MYO3B: variants seen among roughly 807,000 people sequenced by gnomAD.
MYO3B encodes the protein myosin IIIB.
In MYO3B, 156 loss-of-function variants were observed where a neutral mutation model predicts 174.6. That is an observed-to-expected ratio of 0.89 (90% CI 0.78 to 1.02). The LOEUF (loss-of-function observed/expected upper bound fraction) is 1.02, where lower values mean the gene tolerates loss of function less well. MYO3B is among the 50% of genes least tolerant of loss of function. MYO3B has a pLI of 0.00. For synonymous variants in MYO3B, 563 were observed against 569.1 expected (o/e 0.99, Z 0.15); for missense variants, 1,632 against 1,639.4 (o/e 1.00, Z 0.08).
At chr2:170,291,493 G>T (rs1487775721) in intron 7 of MYO3B, among the ~76,000 whole-genome samples, 2 of 152,144 alleles carry the variant, frequency 1.3e-5, no homozygotes, top group African/African-American at 4.8e-5. Context: ...TTCTGGGTTT[G>T]TCCATGCAAT....
chr2:170,216,017 A>G (rs550614898), intron 5 of MYO3B, among the ~76,000 whole-genome samples: 1 of 152,366 alleles, frequency 6.6e-6, no homozygotes, highest in East Asian at 1.9e-4. Context: ...CCAGAAAGGT[A>G]TAGTTGTTTT....
Position 170,407,747 on chromosome 2 carries a change from A to G in MYO3B, c.2553A>G (p.Lys851=). 6.2e-7 allele frequency: 1 copy of G among 1,614,114 alleles called. No individual in the cohort carries two copies. Among genetic ancestry groups the G allele is most frequent in the Non-Finnish European group, 8.5e-7 (1 of 1,179,964 alleles). Residue 851 remains lysine, a synonymous_variant, in exon 22 of 35, where the codon AAA becomes AAG. Transcript: ENST00000408978. The part of the protein sequence containing the change: ...VLYDASGVLE[K]NRDTLPADVV... ...ATGATGCTTCTGGGGTTCTTGAGAA[A>G]AATAGAGACACTCTCCCTGCCGATG...
intron 22 of MYO3B, among the ~76,000 whole-genome samples, chr2:170,420,932 C>A (rs1378082136): frequency 6.6e-6 from 1 of 152,034 alleles, no homozygotes; most frequent in Non-Finnish European, 1.5e-5. Context: ...AAAACTCAGT[C>A]CTAGCATCAC....
intron 32 of MYO3B, among the ~76,000 whole-genome samples, chr2:170,565,034 T>G (rs1049900871): frequency 6.6e-6 from 1 of 152,106 alleles, no homozygotes; most frequent in Non-Finnish European, 1.5e-5. Context: ...AGAAAGAAAT[T>G]GACAAAGAAT....
intron 22 of MYO3B, among the ~76,000 whole-genome samples, chr2:170,431,118 T>G (rs1196022562): frequency 6.6e-6 from 1 of 152,192 alleles, no homozygotes; most frequent in Non-Finnish European, 1.5e-5. Flanking sequence ...GGGTCAGGTC[T>G]TCTTGGGTAG....
chr2:170,650,884 A>T (rs1447993212), intron 32 of MYO3B, among the ~76,000 whole-genome samples: 1 of 151,330 alleles, frequency 6.6e-6, no homozygotes, highest in East Asian at 1.9e-4. Context: ...GGGTTTCACC[A>T]TGTTGGCTAG....
At chr2:170,422,772 T>C (rs1213210932) in intron 22 of MYO3B, among the ~76,000 whole-genome samples, 3 of 151,878 alleles carry the variant, frequency 2.0e-5, no homozygotes. Context: ...TTTTTTTAAT[T>C]AGCCACATTT....
chr2:170,457,187 A>T (rs1403041043), intron 23 of MYO3B, among the ~76,000 whole-genome samples: 1 of 152,226 alleles, frequency 6.6e-6, no homozygotes, highest in Non-Finnish European at 1.5e-5. Flanking sequence ...AAGGCCTGAG[A>T]CATTAGTGTA....
intron 7 of MYO3B, among the ~76,000 whole-genome samples, chr2:170,292,990 T>C (rs565884679): frequency 2.0e-3 from 302 of 152,176 alleles, no homozygotes; most frequent in Non-Finnish European, 3.8e-3. Flanking sequence ...AGTGTAGAAA[T>C]TGTGAGTTGG....
chr2:170,254,641 G>C (rs1210724158), intron 7 of MYO3B, among the ~76,000 whole-genome samples: 1 of 152,208 alleles, frequency 6.6e-6, no homozygotes, highest in East Asian at 1.9e-4. Context: ...CACAGGCCTT[G>C]TCCCAACTTC....
intron 7 of MYO3B, among the ~76,000 whole-genome samples, chr2:170,321,985 G>A (rs1325901909): frequency 2.0e-5 from 3 of 151,930 alleles, no homozygotes; most frequent in Non-Finnish European, 4.4e-5. Context: ...GTGGTGGCAC[G>A]TGCCTGTAAT....
At chr2:170,558,881 A>G (rs1691525447) in intron 32 of MYO3B, among the ~76,000 whole-genome samples, 1 of 152,180 alleles carries the variant, frequency 6.6e-6, no homozygotes, top group Non-Finnish European at 1.5e-5. Flanking sequence ...CTCTTTCCTC[A>G]TCTCCAAAAT....
chr2:170,631,840 G>A (rs1482171917), intron 32 of MYO3B, among the ~76,000 whole-genome samples: 2 of 152,094 alleles, frequency 1.3e-5, no homozygotes, highest in East Asian at 1.9e-4. Flanking sequence ...AAAGGCAGGG[G>A]TTGCAATGCT....
chr2:170,354,265 G>A (rs2094102059), intron 8 of MYO3B, among the ~76,000 whole-genome samples: 1 of 152,148 alleles, frequency 6.6e-6, no homozygotes, highest in Non-Finnish European at 1.5e-5. Context: ...CATCAGTTCT[G>A]GTTCCTTTTT....
At chr2:170,598,776 T>C (rs1694306272) in intron 32 of MYO3B, among the ~76,000 whole-genome samples, 1 of 152,196 alleles carries the variant, frequency 6.6e-6, no homozygotes, top group Non-Finnish European at 1.5e-5. Flanking sequence ...TGGGCTTCAG[T>C]TTCAGAATCT....
intron 7 of MYO3B, among the ~76,000 whole-genome samples, chr2:170,245,237 T>C (rs1219695992): frequency 6.6e-6 from 1 of 152,120 alleles, no homozygotes; most frequent in African/African-American, 2.4e-5. Context: ...TTAAAGGCAA[T>C]GGGGGTCTCT....
intron 27 of MYO3B, 38 bp downstream of exon 27, chr2:170,499,846 T>C: frequency 6.2e-7 from 1 of 1,603,126 alleles, no homozygotes; most frequent in African/African-American, 1.3e-5. Context: ...GCCCTGGGTA[T>C]TGGCATGTCA....
At chr2:170,184,243 T>C (rs2092437116) in intron 1 of MYO3B, among the ~76,000 whole-genome samples, 1 of 152,164 alleles carries the variant, frequency 6.6e-6, no homozygotes, top group African/African-American at 2.4e-5. Context: ...TTACAATAAA[T>C]TAGTGTTGAT....
chr2:170,636,831 G>T (rs1697524955), intron 32 of MYO3B, among the ~76,000 whole-genome samples: 1 of 152,026 alleles, frequency 6.6e-6, no homozygotes, highest in Non-Finnish European at 1.5e-5. Flanking sequence ...TCCTTCAGGG[G>T]TCAAGAGCTG....
Sources: allele counts gnomAD v4.1 joint callset (sites outside exome capture counted in the v4.1 genomes callset), GRCh38; gene constraint gnomAD v4.1.1; transcripts MANE v1.5; gene names NCBI Gene and HGNC (gene_info 2026-07-23, HGNC 2026-07-21).